The following NYAP2 variants were observed in gnomAD, a reference collection of about 807,000 sequenced individuals.
The protein encoded by NYAP2 is neuronal tyrosine-phosphorylated phosphoinositide-3-kinase adaptor 2, also known as neuronal tyrosine-phosphorylated phosphoinositide-3-kinase adapter 2.
A neutral mutation model predicts 50.4 loss-of-function variants in NYAP2; 23 were observed. The ratio of observed to expected loss-of-function variants is 0.46; its 90% CI spans 0.33 to 0.65. The LOEUF (loss-of-function observed/expected upper bound fraction) is 0.65. NYAP2 is among the 30% of genes least tolerant of loss of function. The pLI is 0.02. For missense variants in NYAP2, 885 were observed against 861.0 expected (o/e 1.03, Z -0.35); for synonymous variants, 394 against 365.2 (o/e 1.08, Z -0.90).
intron 3 of NYAP2, among the ~76,000 whole-genome samples, chr2:225,425,600 TTC>T (rs1397353478): frequency 3.3e-5 from 5 of 152,232 alleles, no homozygotes; most frequent in Admixed American, 3.3e-4. Context: ...ATTGTTGAGT[TTC>T]TGTTTGAAAA....
intron 3 of NYAP2, among the ~76,000 whole-genome samples, chr2:225,435,892 C>T (rs886365117): frequency 2.6e-5 from 4 of 152,208 alleles, no homozygotes; most frequent in African/African-American, 9.7e-5. Flanking sequence ...CCATCTCTCA[C>T]CATTCTTCAA....
At chr2:225,528,439 G>GA (rs1021450762) in intron 4 of NYAP2, among the ~76,000 whole-genome samples, 12 of 152,000 alleles carry the variant, frequency 7.9e-5, no homozygotes, top group African/African-American at 1.7e-4. Flanking sequence ...TTATTGGTTG[G>GA]AAAAAATCTC....
At chr2:225,525,685 T>C (rs191764546) in intron 4 of NYAP2, among the ~76,000 whole-genome samples, 3 of 152,252 alleles carry the variant, frequency 2.0e-5, no homozygotes, top group African/African-American at 7.2e-5. Context: ...TGTGCACTAT[T>C]TGAATGATGG....
intron 5 of NYAP2, among the ~76,000 whole-genome samples, chr2:225,598,736 G>C (rs1399342680): frequency 6.6e-6 from 1 of 152,190 alleles, no homozygotes; most frequent in African/African-American, 2.4e-5. Context: ...AAAGGCTATA[G>C]ACACAAATGG....
chr2:225,617,883 G>A (rs1276481971), intron 5 of NYAP2, among the ~76,000 whole-genome samples: 1 of 152,178 alleles, frequency 6.6e-6, no homozygotes, highest in African/African-American at 2.4e-5. Flanking sequence ...TATCCTGGGT[G>A]AAGCAGGCAT....
chr2:225,519,484 A>G (rs1691007912), intron 4 of NYAP2, among the ~76,000 whole-genome samples: 1 of 133,850 alleles, frequency 7.5e-6, no homozygotes, highest in African/African-American at 2.8e-5. Flanking sequence ...ATGTGTTCTC[A>G]TTGTTCAGTT....
chr2:225,451,947 T>A (rs1689660919), intron 3 of NYAP2, among the ~76,000 whole-genome samples: 2 of 152,104 alleles, frequency 1.3e-5, no homozygotes, highest in African/African-American at 4.8e-5. Flanking sequence ...ATTACATATA[T>A]ATGCACATAC....
chr2:225,535,894 C>T (rs982616161), intron 4 of NYAP2, among the ~76,000 whole-genome samples: 2 of 152,126 alleles, frequency 1.3e-5, no homozygotes, highest in Non-Finnish European at 2.9e-5. Context: ...ATAGATATAT[C>T]TAGAATATGT....
chr2:225,407,696 G>T (rs1694965562), intron 2 of NYAP2, among the ~76,000 whole-genome samples: 1 of 151,938 alleles, frequency 6.6e-6, no homozygotes, highest in South Asian at 2.1e-4. Flanking sequence ...GTTTTGTAAA[G>T]AAAGAAAAAC....
chr2:225,455,998 T>C (rs922899792), intron 3 of NYAP2, among the ~76,000 whole-genome samples: 2 of 152,222 alleles, frequency 1.3e-5, no homozygotes, highest in African/African-American at 4.8e-5. Flanking sequence ...CTAGAGGCAC[T>C]GGTCCATAAG....
At chr2:225,635,012 T>C (rs1025317024) in intron 6 of NYAP2, among the ~76,000 whole-genome samples, 1 of 152,210 alleles carries the variant, frequency 6.6e-6, no homozygotes, top group African/African-American at 2.4e-5. Context: ...TCTTGAAACT[T>C]CTAAAACATA....
chr2:225,416,507 T>C (rs916658768), intron 3 of NYAP2, among the ~76,000 whole-genome samples: 1 of 152,126 alleles, frequency 6.6e-6, no homozygotes, highest in Non-Finnish European at 1.5e-5. Context: ...TTTCCCAAGA[T>C]GCTTAATACA....
chr2:225,520,556 C>T (rs925621092), intron 4 of NYAP2, among the ~76,000 whole-genome samples: 3 of 152,158 alleles, frequency 2.0e-5, no homozygotes, highest in Non-Finnish European at 4.4e-5. Flanking sequence ...TTGTTTTTCT[C>T]AGGTTTGTCA....
intron 3 of NYAP2, among the ~76,000 whole-genome samples, chr2:225,476,640 C>G (rs1399959310): frequency 6.6e-6 from 1 of 152,058 alleles, no homozygotes; most frequent in South Asian, 2.1e-4. Flanking sequence ...AACAATATAT[C>G]AAACCCTTAC....
chr2:225,614,795 A>T (rs1692958720), intron 5 of NYAP2, among the ~76,000 whole-genome samples: 1 of 152,246 alleles, frequency 6.6e-6, no homozygotes, highest in South Asian at 2.1e-4. Flanking sequence ...TATAATTAGA[A>T]TTAAGAGTTA....
chr2:225,427,261 A>C (rs931614473), intron 3 of NYAP2, among the ~76,000 whole-genome samples: 2 of 152,196 alleles, frequency 1.3e-5, no homozygotes, highest in Admixed American at 6.5e-5. Context: ...TTAACATCCC[A>C]GTGATTGTCC....
chr2:225,425,468 T>C (rs1461661286), intron 3 of NYAP2, among the ~76,000 whole-genome samples: 1 of 152,186 alleles, frequency 6.6e-6, no homozygotes, highest in Non-Finnish European at 1.5e-5. Context: ...GCATTCTGCT[T>C]TAGAAGGCAA....
intron 3 of NYAP2, among the ~76,000 whole-genome samples, chr2:225,495,750 A>G (rs576493432): frequency 1.3e-5 from 2 of 152,340 alleles, no homozygotes; most frequent in South Asian, 2.1e-4. Context: ...GTGTCGCCGC[A>G]TTATGTAATA....
At chr2:225,526,133 G>C (rs1461153209) in intron 4 of NYAP2, among the ~76,000 whole-genome samples, 1 of 152,224 alleles carries the variant, frequency 6.6e-6, no homozygotes, top group Admixed American at 6.5e-5. Flanking sequence ...ATGGGACCCT[G>C]AGCAGAGAAC....
Sources: allele counts gnomAD v4.1 joint callset (sites outside exome capture counted in the v4.1 genomes callset), GRCh38; gene constraint gnomAD v4.1.1; transcripts MANE v1.5; gene names NCBI Gene and HGNC (gene_info 2026-07-23, HGNC 2026-07-21).